Variants in KIAA1217 observed in about 807,000 individuals in gnomAD.
The protein encoded by KIAA1217 is sickle tail protein homolog.
Under a neutral mutation model 163.9 loss-of-function variants are expected in KIAA1217, and 88 were observed. The observed-to-expected ratio is 0.54, with a 90% CI of 0.45 to 0.64. The LOEUF is 0.64. Among genes scored for constraint, KIAA1217 ranks in the 30% least tolerant of loss-of-function variants. The pLI, the probability that KIAA1217 is intolerant of heterozygous loss-of-function variation, is 0.00. For synonymous variants in KIAA1217, 903 were observed against 923.1 expected, an observed-to-expected ratio of 0.98 and a Z score of 0.39; for missense variants, 2,372 against 2,475.0, an observed-to-expected ratio of 0.96 and a Z score of 0.88.
rs79080376 is a variant in KIAA1217 at position 23,917,798 on chromosome 10, G to A, written c.-320-89427G>A. On this transcript the variant is annotated intron_variant, in intron 1 of 18. Coordinates refer to the KIAA1217 transcript ENST00000376462. The stretch of plus-strand genomic sequence containing the variant: ...AAGTATGACCAGCAAGGGAAGATGA[G>A]AAACCACTCTCAATGCCTAAAGCTG... 4.5e-3 allele frequency among the ~76,000 whole-genome samples: 690 copies of A among 152,290 alleles called. 7 individuals are homozygous for A. Among genetic ancestry groups the A allele is most frequent in the African/African-American group, 0.016 (668 of 41,568 alleles).
intron 2 of KIAA1217, among the ~76,000 whole-genome samples, chr10:24,117,305 G>A (rs1231346667): frequency 6.6e-6 from 1 of 152,184 alleles, no homozygotes; most frequent in Non-Finnish European, 1.5e-5. Flanking sequence ...CCAAAGTGCT[G>A]GGATTACAGC....
intron 2 of KIAA1217, among the ~76,000 whole-genome samples, chr10:24,283,472 GC>G (rs1375297052): frequency 6.6e-6 from 1 of 152,122 alleles, no homozygotes; most frequent in Non-Finnish European, 1.5e-5. Context: ...TTCAGGAACA[GC>G]CTGGTCAACA....
intron 2 of KIAA1217, among the ~76,000 whole-genome samples, chr10:24,165,462 TA>T (rs2065302212): frequency 6.6e-6 from 1 of 152,152 alleles, no homozygotes; most frequent in Admixed American, 6.5e-5. Context: ...AGGATTCGCC[TA>T]ATCCCTCTCC....
At chr10:23,773,260 A>T (rs1468000769) in intron 1 of KIAA1217, among the ~76,000 whole-genome samples, 1 of 152,092 alleles carries the variant, frequency 6.6e-6, no homozygotes, top group Non-Finnish European at 1.5e-5. Context: ...TTTGTCAAAG[A>T]TCAGATAGTT....
chr10:24,151,649 G>A (rs1331171598), intron 2 of KIAA1217, among the ~76,000 whole-genome samples: 1 of 151,406 alleles, frequency 6.6e-6, no homozygotes, highest in Non-Finnish European at 1.5e-5. Flanking sequence ...AAACAGTATG[G>A]CCGCCTTCTT....
intron 1 of KIAA1217, among the ~76,000 whole-genome samples, chr10:23,855,197 T>C (rs1839586475): frequency 6.6e-6 from 1 of 152,232 alleles, no homozygotes; most frequent in Non-Finnish European, 1.5e-5. Context: ...GGAGCTCTTT[T>C]AGGGCAGGCC....
At chr10:24,210,967 C>T (rs1220229269) in intron 1 of KIAA1217, among the ~76,000 whole-genome samples, 3 of 151,146 alleles carry the variant, frequency 2.0e-5, no homozygotes, top group Admixed American at 6.6e-5. Flanking sequence ...ATAAGTATAT[C>T]CCATGCCATA....
intron 2 of KIAA1217, among the ~76,000 whole-genome samples, chr10:24,194,477 C>G: frequency 6.6e-6 from 1 of 151,200 alleles, no homozygotes; most frequent in East Asian, 2.0e-4. Context: ...ACTTGCCACT[C>G]CACCTGACCT....
chr10:24,443,943 C>A (rs947794199), intron 5 of KIAA1217, among the ~76,000 whole-genome samples: 5 of 151,928 alleles, frequency 3.3e-5, no homozygotes, highest in Non-Finnish European at 7.4e-5. Context: ...GATGGGGGTA[C>A]CTTTTATTGT....
intron 2 of KIAA1217, among the ~76,000 whole-genome samples, chr10:24,153,407 G>T (rs2064717219): frequency 6.6e-6 from 1 of 152,176 alleles, no homozygotes; most frequent in Non-Finnish European, 1.5e-5. Context: ...TGGTTACATG[G>T]TACCATATGT....
intron 1 of KIAA1217, among the ~76,000 whole-genome samples, chr10:23,966,650 C>T (rs1176702403): frequency 6.6e-6 from 1 of 152,196 alleles, no homozygotes; most frequent in African/African-American, 2.4e-5. Flanking sequence ...TACTTGTTTT[C>T]CCAAGCTCCA....
At chr10:24,178,388 G>A (rs1287575005) in intron 2 of KIAA1217, among the ~76,000 whole-genome samples, 1 of 152,226 alleles carries the variant, frequency 6.6e-6, no homozygotes, top group Non-Finnish European at 1.5e-5. Context: ...CTGCAGTTGA[G>A]TTGGGATACA....
At chr10:24,206,657 A>G (rs11013962), upstream of KIAA1217, among the ~76,000 whole-genome samples, 74,145 of 152,076 alleles carry the variant, frequency 0.49, 18,483 homozygotes, top group East Asian at 0.65. Context: ...AGAAAGTTTG[A>G]TCATTCAAAA....
chr10:23,790,479 G>GCATATATACATATGTATATATA lies in KIAA1217; in HGVS notation c.-321+95258_-321+95259insGTATATATACATATATACATAT, dbSNP rs1564423768. On this transcript the variant is annotated intron_variant, in intron 1 of 18. Coordinates refer to the KIAA1217 transcript ENST00000376462. ...TGTGCATATATACATATATACATGT[G>GCATATATACATATGTATATATA]CATATATACATATATACATGTGCAT... 2.2e-4 allele frequency among the ~76,000 whole-genome samples: 22 copies of GCATATATACATATGTATATATA among 99,404 alleles called. 1 individual carries two copies. Among genetic ancestry groups the GCATATATACATATGTATATATA allele is most frequent in the African/African-American group, 9.0e-4 (17 of 18,810 alleles). The allele number at this position is 99,404 out of a possible 152,430, so 65.2% of individuals were successfully genotyped here.
chr10:24,071,935 A>G (rs1180668223), intron 2 of KIAA1217, among the ~76,000 whole-genome samples: 1 of 152,198 alleles, frequency 6.6e-6, no homozygotes, highest in Non-Finnish European at 1.5e-5. Flanking sequence ...CCATCTTTTA[A>G]CTTAGTGTAC....
intron 2 of KIAA1217, among the ~76,000 whole-genome samples, chr10:24,093,940 G>A (rs1477177934): frequency 1.3e-5 from 2 of 151,562 alleles, no homozygotes. Context: ...TGAGAATGAT[G>A]ATTTCCAATT....
chr10:24,542,441 C>A, intron 17 of KIAA1217: 3 of 1,162,874 alleles, frequency 2.6e-6, no homozygotes, highest in Non-Finnish European at 2.3e-6. Flanking sequence ...CTTCACCACT[C>A]CCCTACAAAA....
chr10:23,838,438 A>T (rs934572302), intron 1 of KIAA1217, among the ~76,000 whole-genome samples: 2 of 151,914 alleles, frequency 1.3e-5, no homozygotes, highest in African/African-American at 4.8e-5. Flanking sequence ...TAACAGACTT[A>T]TGTTTATTGA....
In KIAA1217 at chr10:24,167,284, C is replaced by T. The variant is rs944818953; in HGVS notation, c.-170-52342C>T. ...ATTAGAAAGGTTTGGTGTGTATGTGCGTGTGTGTGTGTGTGTGTGTGTGTG... is the reference window on the plus strand; with the variant it reads ...ATTAGAAAGGTTTGGTGTGTATGTGTGTGTGTGTGTGTGTGTGTGTGTGTG... On this transcript the variant is annotated intron_variant, in intron 2 of 18. Transcript: ENST00000376462. Among the ~76,000 whole-genome samples, 373 of 148,336 alleles carry T rather than the reference C, an allele frequency of 2.5e-3. 2 individuals are homozygous for T. Among genetic ancestry groups the T allele is most frequent in the African/African-American group, 8.8e-3 (355 of 40,420 alleles).
Sources: gnomAD v4.1 joint callset for allele counts (sites outside exome capture counted in the v4.1 genomes callset) on GRCh38, gnomAD v4.1.1 for gene constraint, MANE v1.5 for transcripts, NCBI Gene and HGNC (gene_info 2026-07-23, HGNC 2026-07-21) for gene names.